Variants in MYOCD observed in about 807,000 individuals in gnomAD.
MYOCD encodes the protein myocardin.
Under a neutral mutation model 96.1 loss-of-function variants are expected in MYOCD, and 32 were observed. The ratio of observed to expected loss-of-function variants is 0.33; its 90% CI spans 0.25 to 0.45. The LOEUF (loss-of-function observed/expected upper bound fraction) is 0.45. Among genes scored for constraint, MYOCD ranks in the 20% least tolerant of loss-of-function variants. MYOCD has a pLI of 1.00. For synonymous variants in MYOCD, 469 were observed against 469.0 expected (o/e 1.00, Z 0.00); for missense variants, 1,133 against 1,200.6 (o/e 0.94, Z 0.83).
chr17:12,734,938 T>G (rs1033445985), intron 5 of MYOCD, among the ~76,000 whole-genome samples: 4 of 152,224 alleles, frequency 2.6e-5, no homozygotes, highest in Non-Finnish European at 4.4e-5. Flanking sequence ...CCCTTCCCAG[T>G]TAGTGGGCCG....
intron 1 of MYOCD, among the ~76,000 whole-genome samples, chr17:12,672,882 C>T (rs1909789866): frequency 1.3e-5 from 2 of 152,156 alleles, no homozygotes; most frequent in Admixed American, 6.6e-5. Flanking sequence ...CTTAGTATGT[C>T]TTTATCAGCA....
chr17:12,751,300 T>C (rs2032845923), intron 9 of MYOCD, among the ~76,000 whole-genome samples: 2 of 151,096 alleles, frequency 1.3e-5, no homozygotes, highest in South Asian at 2.1e-4. Flanking sequence ...TATATATATG[T>C]ACATACATTG....
At chr17:12,667,868 T>A (rs187982132) in intron 1 of MYOCD, among the ~76,000 whole-genome samples, 102 of 152,294 alleles carry the variant, frequency 6.7e-4, no homozygotes, top group African/African-American at 2.4e-3. Flanking sequence ...TCACTTTTTT[T>A]AAAGTTGTGC....
In MYOCD at chr17:12,763,141, C is replaced by G. The variant is rs2033230572; in HGVS notation, c.2458C>G (p.Arg820Gly). 1 of 1,614,004 alleles carries G rather than the reference C, an allele frequency of 6.2e-7. No homozygotes were observed. The highest frequency in any genetic ancestry group is 1.1e-5 in the South Asian group (1 of 91,068). The change falls in exon 14 of 14, where the codon CGA (arginine) becomes GGA (glycine). Residue 820 changes from arginine to glycine, a missense_variant. Coordinates refer to ENST00000425538, the MANE Select transcript of MYOCD (RefSeq NM_001146312.3). Reference sequence around the variant, plus strand: ...AGTCCCAAAGATACCCAGATCTTCCCGAAGTCCAACTGCTGTCCTCACCAA... The same window carrying G: ...AGTCCCAAAGATACCCAGATCTTCCGGAAGTCCAACTGCTGTCCTCACCAA... Reference protein sequence around the residue: ...QKVPKIPRSSRSPTAVLTKPS... With the variant: ...QKVPKIPRSSGSPTAVLTKPS...
intron 1 of MYOCD, among the ~76,000 whole-genome samples, chr17:12,679,213 A>T (rs12150142): frequency 0.15 from 22,935 of 151,860 alleles, 3,171 homozygotes; most frequent in African/African-American, 0.36. Context: ...TTTTTAATTT[A>T]ATTTTTTATT....
chr17:12,737,927 G>T lies in MYOCD; in HGVS notation c.592-1276G>T, dbSNP rs1048306785. On this transcript the variant is annotated intron_variant, in intron 6 of 13. Coordinates refer to ENST00000425538, the MANE Select transcript of MYOCD (RefSeq NM_001146312.3). ...AGCTGAATACTTGTGTGTTTATTGTGCAAGAGTGTATAATCAAAGCATTTT... is the reference window on the plus strand; with the variant it reads ...AGCTGAATACTTGTGTGTTTATTGTTCAAGAGTGTATAATCAAAGCATTTT... Among the ~76,000 whole-genome samples the T allele has an allele frequency of 3.9e-5, 6 of 152,272 alleles. 1 individual carries two copies. The highest frequency in any genetic ancestry group is 8.8e-5 in the Non-Finnish European group (6 of 68,014).
In MYOCD at chr17:12,762,913, A is replaced by G. The variant is rs910968260; in HGVS notation, c.2390-160A>G. On this transcript the variant is annotated intron_variant, in intron 13 of 13. Transcript: ENST00000425538. Reference sequence around the variant, plus strand: ...GGGTTTGGGAAAAACCAGAGGGAAGATGAATTGGAGATTGATAGAGCAGCT... The same window carrying G: ...GGGTTTGGGAAAAACCAGAGGGAAGGTGAATTGGAGATTGATAGAGCAGCT... 5 of 609,332 alleles carry G rather than the reference A, an allele frequency of 8.2e-6. No individual in the cohort carries two copies. In the African/African-American group the frequency reaches 9.3e-5, roughly 11 times the overall value. The allele number at this position is 609,332 out of a possible 1,614,324, so 37.7% of individuals were successfully genotyped here.
Position 12,751,908 on chromosome 17 carries a change from C to G in MYOCD, c.1126-506C>G, listed in dbSNP as rs372352666. Among the ~76,000 whole-genome samples the G allele has an allele frequency of 2.6e-4, 40 of 152,304 alleles. No individual in the cohort carries two copies. In the East Asian group the frequency reaches 5.6e-3, roughly 21 times the overall value. On this transcript the variant is annotated intron_variant, in intron 9 of 13. Transcript: ENST00000425538. ...ATGCGTATCAACTGGGTCAGAAACC[C>G]CACAGTGGGGCCCTGCAGTCTGCTT... is the stretch of plus-strand genomic sequence containing the variant.
At chr17:12,677,059 C>G (rs1340600416) in intron 1 of MYOCD, among the ~76,000 whole-genome samples, 1 of 152,138 alleles carries the variant, frequency 6.6e-6, no homozygotes. Flanking sequence ...CTTTAATTCA[C>G]ACTATGCAGC....
chr17:12,702,977 C>A (rs1408269223), intron 1 of MYOCD, among the ~76,000 whole-genome samples: 1 of 151,764 alleles, frequency 6.6e-6, no homozygotes, highest in Admixed American at 6.6e-5. Context: ...TTATTCATTC[C>A]TGAATATCTG....
chr17:12,763,412 C>A lies in MYOCD; in HGVS notation c.2729C>A (p.Ser910Tyr). The A allele has an allele frequency of 6.2e-7, 1 of 1,610,152 alleles. No individual in the cohort carries two copies. The change falls in exon 14 of 14, where the codon TCT becomes TAT. Residue 910 changes from serine to tyrosine, a missense_variant. Physicochemically the swap from Ser to Tyr is moderately radical, Grantham distance 144 (BLOSUM62 -2). Coordinates refer to ENST00000425538, the MANE Select transcript of MYOCD (RefSeq NM_001146312.3). ...CATGAGATCTTGCCAGGCCCCCTCT[C>A]TCCAATGCAGACACAGTTTTCACCC... ...NAHEILPGPLSPMQTQFSPSS... is the reference protein window; with the variant it reads ...NAHEILPGPLYPMQTQFSPSS...
rs779127716 is a variant in MYOCD, at chr17:12,760,689, G to A, written c.2371G>A (p.Val791Met). The A allele has an allele frequency of 2.2e-5, 35 of 1,613,872 alleles. No homozygotes were observed. In the East Asian group the frequency reaches 5.1e-4, roughly 24 times the overall value. Reference sequence around the variant, plus strand: ...TCAGCAGATGGATGAACTCCTGGACGTGCTTATTGAAAGCGGAGGTAAGAC... The same window carrying A: ...TCAGCAGATGGATGAACTCCTGGACATGCTTATTGAAAGCGGAGGTAAGAC... ...RSQQMDELLD[V>M]LIESGEMPAD... The change falls in exon 13 of 14, where the codon GTG becomes ATG. Residue 791 changes from valine (V) to methionine (M), a missense_variant. Coordinates refer to ENST00000425538, the MANE Select transcript of MYOCD (RefSeq NM_001146312.3).
chr17:12,691,291 T>A (rs2030433495), intron 1 of MYOCD, among the ~76,000 whole-genome samples: 2 of 152,192 alleles, frequency 1.3e-5, no homozygotes, highest in Admixed American at 1.3e-4. Context: ...TTCCACTCTG[T>A]GAAGAATGAG....
chr17:12,750,758 A>C (rs1055440131), intron 9 of MYOCD, among the ~76,000 whole-genome samples: 1 of 152,202 alleles, frequency 6.6e-6, no homozygotes, highest in African/African-American at 2.4e-5. Flanking sequence ...TTGCCAACTT[A>C]ATCAATACAA....
At chr17:12,743,768 G>T (rs564354615) in intron 7 of MYOCD, among the ~76,000 whole-genome samples, 1 of 152,152 alleles carries the variant, frequency 6.6e-6, no homozygotes, top group South Asian at 2.1e-4. Context: ...GTTGGCATTG[G>T]CATTACAGGT....
At chr17:12,743,869 G>C (rs1262491517) in intron 7 of MYOCD, among the ~76,000 whole-genome samples, 1 of 152,104 alleles carries the variant, frequency 6.6e-6, no homozygotes, top group Non-Finnish European at 1.5e-5. Context: ...TTGGTTTTAG[G>C]TTAGGAGAAT....
At chr17:12,735,901 C>T (rs568205073) in intron 5 of MYOCD, among the ~76,000 whole-genome samples, 2 of 152,104 alleles carry the variant, frequency 1.3e-5, no homozygotes, top group African/African-American at 4.8e-5. Context: ...CCAAAGAAAA[C>T]AGGAAGAAAT....
intron 5 of MYOCD, among the ~76,000 whole-genome samples, chr17:12,733,091 A>G (rs1187085528): frequency 6.6e-6 from 1 of 152,116 alleles, no homozygotes; most frequent in African/African-American, 2.4e-5. Flanking sequence ...CAGGTGGATC[A>G]CGAGGTCAGG....
At position 12,717,020 on chromosome 17, in the gene MYOCD, A is replaced by G. The variant is rs1250960779; in HGVS notation, c.178-326A>G. 4.2e-5 allele frequency among the ~76,000 whole-genome samples: 6 copies of G among 141,624 alleles called. No individual in the cohort carries two copies. The South Asian group carries it at 1.4e-3, about 33-fold the overall frequency. The allele number at this position is 141,624 out of a possible 152,430, so 92.9% of individuals were successfully genotyped here. On this transcript the variant is annotated intron_variant, in intron 3 of 13. Coordinates refer to ENST00000425538, the MANE Select transcript of MYOCD (RefSeq NM_001146312.3). Reference sequence around the variant, plus strand: ...AAAAAAAAAAAAAAAAAAAAAAAAAAGGCAATGGAATAAGATTCATTATAA... The same window carrying G: ...AAAAAAAAAAAAAAAAAAAAAAAAAGGGCAATGGAATAAGATTCATTATAA...
Sources: gnomAD v4.1 joint callset for allele counts (sites outside exome capture counted in the v4.1 genomes callset) on GRCh38, gnomAD v4.1.1 for gene constraint, MANE v1.5 for transcripts, NCBI Gene and HGNC (gene_info 2026-07-23, HGNC 2026-07-21) for gene names.